The following STRN variants were observed in gnomAD, a reference collection of about 807,000 sequenced individuals.
The protein encoded by STRN is striatin, also known as protein phosphatase 2 regulatory subunit B'''alpha.
Under a neutral mutation model 96.3 loss-of-function variants are expected in STRN, and 53 were observed. The ratio of observed to expected loss-of-function variants is 0.55; its 90% confidence interval spans 0.44 to 0.69. The LOEUF (loss-of-function observed/expected upper bound fraction) is 0.69. STRN is among the 30% of genes least tolerant of loss of function. STRN has a pLI of 0.00. For missense variants in STRN, 987 were observed against 963.9 expected, an observed-to-expected ratio of 1.02 and a Z score of -0.32; for synonymous variants, 428 against 355.9, an observed-to-expected ratio of 1.20 and a Z score of -2.28.
chr2:36,881,084 A>C (rs1180206494), intron 9 of STRN, among the ~76,000 whole-genome samples: 1 of 151,458 alleles, frequency 6.6e-6, no homozygotes. Flanking sequence ...AAAACAAAAC[A>C]AAACCCTGTG....
In STRN at chr2:36,925,350, TA is replaced by T; in HGVS notation, c.235-143del. 2 of 628,898 alleles carry T rather than the reference TA, an allele frequency of 3.2e-6. 1 individual carries two copies. The allele number at this position is 628,898 out of a possible 1,614,324, so 39.0% of individuals were successfully genotyped here. A position where few individuals can be genotyped will look rare whatever the true frequency, so the allele number is the denominator to read the frequency against. ...ATTTCTCACAAAGTATGTACAAATATAAAAATGCACTGACTGCAAGGGGGAA... is the reference window on the plus strand; with the variant it reads ...ATTTCTCACAAAGTATGTACAAATATAAAATGCACTGACTGCAAGGGGGAA... On this transcript the variant is annotated intron_variant, in intron 1 of 17. Transcript: ENST00000263918.
At chr2:36,881,579 T>C (rs916694361) in intron 9 of STRN, among the ~76,000 whole-genome samples, 1 of 152,250 alleles carries the variant, frequency 6.6e-6, no homozygotes, top group Non-Finnish European at 1.5e-5. Context: ...TAAATGTTTT[T>C]TCTATTTCCA....
chr2:36,930,976 T>C (rs1670558961), intron 1 of STRN, among the ~76,000 whole-genome samples: 1 of 151,608 alleles, frequency 6.6e-6, no homozygotes, highest in African/African-American at 2.4e-5. Flanking sequence ...GAGGTTGTGG[T>C]GAGTCGAGAT....
intron 1 of STRN, among the ~76,000 whole-genome samples, chr2:36,955,331 T>G (rs189647783): frequency 3.3e-5 from 5 of 152,296 alleles, no homozygotes; most frequent in Admixed American, 3.3e-4. Flanking sequence ...AATTCTAAGG[T>G]CCCTCTGAGG....
chr2:36,963,196 A>C (rs983751094), intron 1 of STRN, among the ~76,000 whole-genome samples: 2 of 152,212 alleles, frequency 1.3e-5, no homozygotes, highest in African/African-American at 4.8e-5. Context: ...TGAAGGAGGG[A>C]GGAAGCAGTA....
chr2:36,897,854 T>TA (rs1021427978), intron 6 of STRN, among the ~76,000 whole-genome samples: 4 of 151,722 alleles, frequency 2.6e-5, no homozygotes, highest in Non-Finnish European at 5.9e-5. Flanking sequence ...CATGGCTAAT[T>TA]AAAAAAAAAT....
chr2:36,864,476 G>A (rs979031887), intron 12 of STRN, among the ~76,000 whole-genome samples: 1 of 152,154 alleles, frequency 6.6e-6, no homozygotes, highest in Non-Finnish European at 1.5e-5. Flanking sequence ...TGTGTATACT[G>A]AACTAACCTT....
rs199525011 is a variant in STRN, at chr2:36,850,952, A to T, written c.2086+48T>A. On this transcript the variant is annotated intron_variant, in intron 16 of 17. Coordinates refer to ENST00000263918, the MANE Select transcript of STRN (RefSeq NM_003162.4). ...CAAAATTAGCCTACTTGTGGTAGGG[A>T]TTTTTTTTTTTTGCTTTAATAAAAA... The T allele has an allele frequency of 1.3e-3, 1,643 of 1,239,636 alleles. 3 individuals carry two copies. The highest frequency in any genetic ancestry group is 1.7e-3 in the Non-Finnish European group (1,535 of 904,878). The allele number at this position is 1,239,636 out of a possible 1,614,324, so 76.8% of individuals were successfully genotyped here. A position where few individuals can be genotyped will look rare whatever the true frequency, so the allele number is the denominator to read the frequency against.
rs115145052 is a variant in STRN, at chr2:36,882,086, C to G, written c.1186+1846G>C. On this transcript the variant is annotated intron_variant, in intron 9 of 17. Transcript: ENST00000263918. The stretch of plus-strand genomic sequence containing the variant: ...TAATTGACTCTAACAAATGATTAAC[C>G]ATGTACTGGTCAAAAATTTCACTGA... Among the ~76,000 whole-genome samples, 580 of 151,778 alleles carry G rather than the reference C, an allele frequency of 3.8e-3. 5 individuals are homozygous for G. Among genetic ancestry groups the G allele is most frequent in the African/African-American group, 0.011 (471 of 41,386 alleles).
intron 1 of STRN, among the ~76,000 whole-genome samples, chr2:36,963,388 G>C (rs1462563507): frequency 6.6e-6 from 1 of 152,164 alleles, no homozygotes; most frequent in Admixed American, 6.5e-5. Flanking sequence ...GACACCAACT[G>C]AGCCGTATTT....
intron 10 of STRN, among the ~76,000 whole-genome samples, chr2:36,871,815 G>C (rs1264595740): frequency 4.6e-5 from 7 of 152,212 alleles, no homozygotes. Context: ...CTGCTAGTAA[G>C]TGGAGGGGCC....
intron 6 of STRN, among the ~76,000 whole-genome samples, chr2:36,896,978 A>T (rs1669556505): frequency 6.6e-6 from 1 of 151,832 alleles, no homozygotes; most frequent in South Asian, 2.1e-4. Flanking sequence ...GACCAGCCTG[A>T]CCAACATGGA....
rs1668037351 is a variant in STRN, at chr2:36,845,222, T to C, written c.*4234A>G. The C allele has an allele frequency of 6.6e-6, 1 of 152,168 alleles. No homozygotes were observed. Among genetic ancestry groups the C allele is most frequent in the Non-Finnish European group, 1.5e-5 (1 of 68,018 alleles). The allele number at this position is 152,168 out of a possible 1,614,324, so 9.4% of individuals were successfully genotyped here. A position where few individuals can be genotyped will look rare whatever the true frequency, so the allele number is the denominator to read the frequency against. On this transcript the variant is annotated 3_prime_UTR_variant, in exon 18 of 18. Coordinates refer to ENST00000263918, the MANE Select transcript of STRN (RefSeq NM_003162.4). ...CCAAAGATTCATTATCTCCACTCGC[T>C]AAAAACATTGATGGTTAATTTTAAG...
rs1430318620 is a variant in STRN at position 36,960,614 on chromosome 2, T to C, written c.234+5616A>G. 2.0e-5 allele frequency among the ~76,000 whole-genome samples: 3 copies of C among 152,330 alleles called. No homozygotes were observed. In the East Asian group the frequency reaches 5.8e-4, roughly 29 times the overall value. On this transcript the variant is annotated intron_variant, in intron 1 of 17. Coordinates refer to ENST00000263918, the MANE Select transcript of STRN (RefSeq NM_003162.4). ...ATTTAATTCTCACAAGGTAATTTAT[T>C]ATCCTTAACTTACACATGAGAAAAC...
chr2:36,878,306 G>C (rs934728259), intron 9 of STRN, among the ~76,000 whole-genome samples: 1 of 152,174 alleles, frequency 6.6e-6, no homozygotes, highest in Non-Finnish European at 1.5e-5. Flanking sequence ...GAAAAATAAT[G>C]ACTATAGGAA....
intron 5 of STRN, among the ~76,000 whole-genome samples, chr2:36,900,234 GATTT>G (rs1179077529): frequency 2.0e-5 from 3 of 151,918 alleles, no homozygotes; most frequent in South Asian, 2.1e-4. Flanking sequence ...TCCCCTTCCT[GATTT>G]ATTATTATTT....
intron 4 of STRN, among the ~76,000 whole-genome samples, chr2:36,904,009 T>TA (rs1233133941): frequency 6.6e-6 from 1 of 152,216 alleles, no homozygotes; most frequent in East Asian, 1.9e-4. Flanking sequence ...CATTCATTGA[T>TA]AAAATGACAC....
Position 36,848,313 on chromosome 2 carries a change from A to T in STRN, c.*1143T>A, listed in dbSNP as rs1181466339. On this transcript the variant is annotated 3_prime_UTR_variant, in exon 18 of 18. Coordinates refer to ENST00000263918, the MANE Select transcript of STRN (RefSeq NM_003162.4). The stretch of plus-strand genomic sequence containing the variant: ...AGGTTTCCAGGAGATTCTTACAGGG[A>T]TTAATAGAGGACTTCTAGGGTACAA... The T allele has an allele frequency of 6.6e-6, 1 of 152,192 alleles. No individual in the cohort carries two copies. Among genetic ancestry groups the T allele is most frequent in the Non-Finnish European group, 1.5e-5 (1 of 68,026 alleles). 9.4% of individuals were successfully genotyped at this position (152,192 alleles called of 1,614,324 possible).
chr2:36,938,120 G>C (rs1464304127), intron 1 of STRN, among the ~76,000 whole-genome samples: 2 of 152,126 alleles, frequency 1.3e-5, no homozygotes, highest in Non-Finnish European at 2.9e-5. Context: ...AACATACTTA[G>C]TATAATCAAA....
Sources: gnomAD v4.1 joint callset for allele counts (sites outside exome capture counted in the v4.1 genomes callset) on GRCh38, gnomAD v4.1.1 for gene constraint, MANE v1.5 for transcripts, NCBI Gene and HGNC (gene_info 2026-07-23, HGNC 2026-07-21) for gene names.